Variants in RARB observed in about 807,000 individuals in gnomAD.
RARB encodes the protein retinoic acid receptor beta.
In RARB, 17 loss-of-function variants were observed where a neutral mutation model predicts 51.9. The observed-to-expected ratio is 0.33, with a 90% confidence interval of 0.22 to 0.49. The LOEUF (loss-of-function observed/expected upper bound fraction) is 0.49. Ranked by LOEUF, RARB falls within the 20% of genes least tolerant of loss-of-function variation. RARB has a pLI of 0.99. For missense variants in RARB, 369 were observed against 550.8 expected (o/e 0.67, Z 3.30); for synonymous variants, 215 against 195.4 (o/e 1.10, Z -0.84).
chr3:24,955,351 G>T lies in RARB; in HGVS notation c.-380+96599G>T, dbSNP rs570802590. Reference sequence around the variant, plus strand: ...GTCTCTTTGCCAGCTGAGGTCTGGGGTTTATATAAACACAGCACAGGGGTG... The same window carrying T: ...GTCTCTTTGCCAGCTGAGGTCTGGGTTTTATATAAACACAGCACAGGGGTG... On this transcript the variant is annotated intron_variant, in intron 2 of 11. Coordinates refer to the RARB transcript ENST00000383772. 1.5e-4 allele frequency among the ~76,000 whole-genome samples: 23 copies of T among 151,516 alleles called. 1 individual carries two copies. In the East Asian group the frequency reaches 4.5e-3, roughly 30 times the overall value.
chr3:25,173,018 T>A (rs1393327475), intron 4 of RARB, among the ~76,000 whole-genome samples: 1 of 152,230 alleles, frequency 6.6e-6, no homozygotes, highest in Non-Finnish European at 1.5e-5. Flanking sequence ...GAAGTACTCT[T>A]GTTTCGTGCC....
chr3:25,423,591 C>A (rs1238583380), upstream of RARB, among the ~76,000 whole-genome samples: 1 of 152,186 alleles, frequency 6.6e-6, no homozygotes, highest in Non-Finnish European at 1.5e-5. Flanking sequence ...AGGTATTCAA[C>A]ATTTAATGAA....
intron 5 of RARB, among the ~76,000 whole-genome samples, chr3:25,418,485 G>T (rs1707768380): frequency 6.6e-6 from 1 of 152,036 alleles, no homozygotes; most frequent in Non-Finnish European, 1.5e-5. Flanking sequence ...GAAGGATTAT[G>T]AATTTACCTA....
At chr3:25,191,760 T>A (rs1285351238) in intron 5 of RARB, among the ~76,000 whole-genome samples, 1 of 152,106 alleles carries the variant, frequency 6.6e-6, no homozygotes, top group Non-Finnish European at 1.5e-5. Flanking sequence ...ACTCCCTCAG[T>A]GGAGATTAAA....
intron 5 of RARB, among the ~76,000 whole-genome samples, chr3:25,287,650 A>G (rs1703688788): frequency 1.3e-5 from 2 of 152,224 alleles, no homozygotes; most frequent in Admixed American, 1.3e-4. Context: ...AAAGAATTTA[A>G]GGATCTTCCC....
chr3:25,072,516 C>A (rs1371751482), intron 3 of RARB, among the ~76,000 whole-genome samples: 1 of 152,006 alleles, frequency 6.6e-6, no homozygotes, highest in Admixed American at 6.6e-5. Context: ...TACTTGATAG[C>A]GATAACTGTT....
intron 2 of RARB, among the ~76,000 whole-genome samples, chr3:24,935,045 T>C (rs1302738473): frequency 6.6e-6 from 1 of 152,170 alleles, no homozygotes; most frequent in Non-Finnish European, 1.5e-5. Context: ...TGGACTATGA[T>C]TGCATTAACG....
At chr3:25,285,033 T>C (rs1443250611) in intron 5 of RARB, among the ~76,000 whole-genome samples, 1 of 152,222 alleles carries the variant, frequency 6.6e-6, no homozygotes, top group Non-Finnish European at 1.5e-5. Context: ...ACTCATTTAT[T>C]CCCTCTCTTA....
chr3:24,898,891 G>T (rs921882296), intron 2 of RARB, among the ~76,000 whole-genome samples: 3 of 152,170 alleles, frequency 2.0e-5, no homozygotes, highest in Admixed American at 6.5e-5. Context: ...TGGAAGGGTT[G>T]TGTTTCTACT....
intron 4 of RARB, among the ~76,000 whole-genome samples, chr3:25,159,268 C>G (rs1700434432): frequency 6.9e-6 from 1 of 145,506 alleles, no homozygotes; most frequent in African/African-American, 2.5e-5. Context: ...CTCCCCGGTT[C>G]AAGCAATTCT....
intron 5 of RARB, among the ~76,000 whole-genome samples, chr3:25,235,357 A>G (rs1188868515): frequency 6.6e-6 from 1 of 152,146 alleles, no homozygotes; most frequent in Non-Finnish European, 1.5e-5. Flanking sequence ...GCTCAGAAGA[A>G]CAGATGCTTC....
intron 2 of RARB, among the ~76,000 whole-genome samples, chr3:24,966,153 C>G (rs1199861939): frequency 6.6e-6 from 1 of 150,990 alleles, no homozygotes; most frequent in African/African-American, 2.4e-5. Flanking sequence ...TGGCACTGAC[C>G]TTTGGCATTT....
intron 5 of RARB, among the ~76,000 whole-genome samples, chr3:25,337,118 G>T (rs1460634304): frequency 6.6e-6 from 1 of 152,110 alleles, no homozygotes; most frequent in Non-Finnish European, 1.5e-5. Flanking sequence ...TTGAGGCCAT[G>T]TACTAAATTA....
chr3:25,036,197 C>G (rs1042452047), intron 2 of RARB, among the ~76,000 whole-genome samples: 1 of 152,092 alleles, frequency 6.6e-6, no homozygotes. Context: ...TACCAAAGGC[C>G]TACTATGAAA....
intron 5 of RARB, among the ~76,000 whole-genome samples, chr3:25,323,011 A>G (rs941215246): frequency 5.3e-5 from 8 of 152,164 alleles, no homozygotes; most frequent in Non-Finnish European, 1.2e-4. Flanking sequence ...TTGTCTGCAC[A>G]TTACTGGGGT....
At chr3:25,336,327 C>G (rs1249669639) in intron 5 of RARB, among the ~76,000 whole-genome samples, 5 of 152,154 alleles carry the variant, frequency 3.3e-5, no homozygotes, top group Admixed American at 6.6e-5. Flanking sequence ...ATAATAGCCT[C>G]AAGATAAATA....
At chr3:25,533,830 T>C (rs1699024781) in intron 3 of RARB, among the ~76,000 whole-genome samples, 1 of 152,232 alleles carries the variant, frequency 6.6e-6, no homozygotes, top group Admixed American at 6.5e-5. Flanking sequence ...TTTAAAGTAA[T>C]GTAAACTCTT....
chr3:25,030,578 T>C (rs999888375), intron 2 of RARB, among the ~76,000 whole-genome samples: 1 of 152,254 alleles, frequency 6.6e-6, no homozygotes, highest in Non-Finnish European at 1.5e-5. Context: ...TGCTTCTTCC[T>C]GGCAATTCTT....
intron 4 of RARB, among the ~76,000 whole-genome samples, chr3:25,137,362 G>A (rs1445208140): frequency 6.6e-6 from 1 of 152,054 alleles, no homozygotes; most frequent in East Asian, 1.9e-4. Flanking sequence ...AGTAAAGGAT[G>A]TGATTTTTGT....
Sources: allele counts gnomAD v4.1 joint callset (sites outside exome capture counted in the v4.1 genomes callset), GRCh38; gene constraint gnomAD v4.1.1; transcripts MANE v1.5; gene names NCBI Gene and HGNC (gene_info 2026-07-23, HGNC 2026-07-21).